Variants in CPA5 observed in about 807,000 individuals in gnomAD.
CPA5 encodes carboxypeptidase A5.
In CPA5, 38 loss-of-function variants were observed where a neutral mutation model predicts 52.2. The observed-to-expected ratio is 0.73, with a 90% CI of 0.56 to 0.95. The LOEUF (loss-of-function observed/expected upper bound fraction) is 0.95. Ranked by LOEUF, CPA5 falls within the 40% of genes least tolerant of loss-of-function variation. CPA5 has a pLI of 0.00. For missense variants in CPA5, 519 were observed against 566.7 expected (o/e 0.92, Z 0.86); for synonymous variants, 198 against 213.7 (o/e 0.93, Z 0.64).
chr7:130,352,401 G>C (rs1050156152), intron 5 of CPA5, among the ~76,000 whole-genome samples: 3 of 152,134 alleles, frequency 2.0e-5, no homozygotes, highest in Non-Finnish European at 2.9e-5. Context: ...TGGAGTGGAT[G>C]AGCGACTGAT....
At chr7:130,367,235 G>T in intron 10 of CPA5, 137 bp from the exon 11 acceptor site, 1 of 706,542 alleles carries the variant, frequency 1.4e-6, no homozygotes, top group Non-Finnish European at 2.4e-6. Flanking sequence ...CCTTTCCATT[G>T]GTCAAAGTAG....
At chr7:130,365,389 G>GA (rs776099975) in intron 10 of CPA5, among the ~76,000 whole-genome samples, 15 of 151,714 alleles carry the variant, frequency 9.9e-5, no homozygotes, top group South Asian at 2.1e-4. Flanking sequence ...CTCACCACAG[G>GA]AAAAAAAATA....
Position 130,363,438 on chromosome 7 carries a change from A to T in CPA5, c.767A>T (p.Asn256Ile). 6.3e-7 allele frequency: 1 copy of T among 1,575,272 alleles called. No individual in the cohort carries two copies. Among genetic ancestry groups the T allele is most frequent in the Non-Finnish European group, 8.6e-7 (1 of 1,159,486 alleles). ...THSMNRLWRK[N>I]KSIRPGIFCI... is the part of the protein sequence containing the mutation. ...TCCCAGAACCGCTTATGGCGGAAGAACAAGTCCATCAGACCTGGAATCTTC... is the reference window on the plus strand; with the variant it reads ...TCCCAGAACCGCTTATGGCGGAAGATCAAGTCCATCAGACCTGGAATCTTC... The change falls in exon 10 of 13, where the codon AAC (asparagine) becomes ATC (isoleucine). Residue 256 changes from asparagine to isoleucine, a missense_variant. By Grantham distance (149) the Asn-to-Ile change is moderately radical. Transcript: ENST00000474905.
downstream of CPA5, among the ~76,000 whole-genome samples, chr7:130,371,697 A>C (rs556769284): frequency 4.3e-4 from 65 of 151,816 alleles, no homozygotes; most frequent in African/African-American, 1.5e-3. Context: ...AGCTGGGATT[A>C]CAGGCATGTG....
intron 7 of CPA5, among the ~76,000 whole-genome samples, chr7:130,361,824 T>C (rs1238226115): frequency 1.3e-5 from 2 of 152,150 alleles, no homozygotes; most frequent in African/African-American, 4.8e-5. Context: ...CCCGGGAGTG[T>C]GGACCCTGCG....
At chr7:130,355,396 GGTGTGT>G (rs147556341) in intron 5 of CPA5, among the ~76,000 whole-genome samples, 9 of 149,180 alleles carry the variant, frequency 6.0e-5, no homozygotes, top group East Asian at 2.0e-4. Flanking sequence ...TGAGAACATT[GGTGTGT>G]GTGTGTGTGT....
chr7:130,371,703 A>G (rs1796296352), downstream of CPA5, among the ~76,000 whole-genome samples: 1 of 151,996 alleles, frequency 6.6e-6, no homozygotes, highest in South Asian at 2.1e-4. Context: ...GATTACAGGC[A>G]TGTGCCACCA....
At chr7:130,363,376 A>C in intron 9 of CPA5, 43 bp from the exon 10 acceptor site, 1 of 1,491,582 alleles carries the variant, frequency 6.7e-7, no homozygotes. Flanking sequence ...CATCCCTGGG[A>C]ATGGGCCCAG....
At chr7:130,373,033 T>A (rs376452580), downstream of CPA5, among the ~76,000 whole-genome samples, 3 of 152,104 alleles carry the variant, frequency 2.0e-5, no homozygotes, top group East Asian at 3.9e-4. Flanking sequence ...AGGGGGGTGC[T>A]CTAGTCCCAG....
intron 7 of CPA5, among the ~76,000 whole-genome samples, chr7:130,361,726 C>A (rs149012001): frequency 6.6e-6 from 1 of 152,140 alleles, no homozygotes; most frequent in Non-Finnish European, 1.5e-5. Flanking sequence ...AACTCAGGAC[C>A]CTGCAGTTCC....
At chr7:130,357,607 G>C (rs1584811503) in intron 5 of CPA5, among the ~76,000 whole-genome samples, 1 of 145,442 alleles carries the variant, frequency 6.9e-6, no homozygotes, top group East Asian at 2.0e-4. Context: ...TGGCCAAGAA[G>C]AGAGAAATTC....
intron 10 of CPA5, 34 bp downstream of exon 10, chr7:130,363,543 A>G: frequency 6.5e-7 from 1 of 1,534,894 alleles, no homozygotes; most frequent in Non-Finnish European, 8.9e-7. Flanking sequence ...GCAGGGTTGG[A>G]GAAGAGGTGT....
chr7:130,363,337 C>A, intron 9 of CPA5, 82 bp from the exon 10 acceptor site: 1 of 1,191,578 alleles, frequency 8.4e-7, no homozygotes, highest in South Asian at 1.4e-5. Flanking sequence ...GGGTCCCCTA[C>A]CCCCATAGGC....
At position 130,367,550 on chromosome 7, in the gene CPA5, C is replaced by G. The variant is rs202176514; in HGVS notation, c.1017C>G (p.Pro339=). 3 of 1,613,880 alleles carry G rather than the reference C, an allele frequency of 1.9e-6. No homozygotes were observed. The East Asian group carries it at 6.7e-5, about 36-fold the overall frequency. Residue 339 remains proline (P), a synonymous_variant, in exon 11 of 13, where the codon CCC becomes CCG. Coordinates refer to ENST00000474905, the MANE Select transcript of CPA5 (RefSeq NM_080385.5). ...LMYPYGRLLE[P]VSNQRELYDL... is the part of the protein sequence containing the mutation. ...ACCCTTACGGCCGATTGCTGGAGCC[C>G]GTTTCAAATCAGAGGGAGTTGGTGA...
chr7:130,354,040 A>C (rs2117352411), intron 5 of CPA5, among the ~76,000 whole-genome samples: 1 of 152,220 alleles, frequency 6.6e-6, no homozygotes, highest in East Asian at 1.9e-4. Flanking sequence ...CTCTCGCCTC[A>C]GCCTTCTAAG....
At chr7:130,346,738 C>T (rs1554402319) in intron 3 of CPA5, 137 bp downstream of exon 3, 1 of 648,576 alleles carries the variant, frequency 1.5e-6, no homozygotes, top group African/African-American at 1.8e-5. Context: ...GAACCCACTT[C>T]CAGCTCCACA....
chr7:130,373,802 C>G, the CPA5 span, among the ~76,000 whole-genome samples: 1 of 152,266 alleles, frequency 6.6e-6, no homozygotes, highest in Non-Finnish European at 1.5e-5. Context: ...TGGTGGGAAC[C>G]ACACCAGCAC....
At chr7:130,358,216 C>T (rs1795598562) in intron 5 of CPA5, among the ~76,000 whole-genome samples, 1 of 152,068 alleles carries the variant, frequency 6.6e-6, no homozygotes, top group African/African-American at 2.4e-5. Flanking sequence ...CCAGGCTGGT[C>T]TCAAACTCCT....
chr7:130,363,352 A>C (rs1554407320), intron 9 of CPA5, 67 bp from the exon 10 acceptor site: 1 of 1,358,982 alleles, frequency 7.4e-7, no homozygotes, highest in Non-Finnish European at 1.0e-6. Flanking sequence ...ATAGGCCAGG[A>C]TATCAGAGGC....
Sources: gnomAD v4.1 joint callset for allele counts (sites outside exome capture counted in the v4.1 genomes callset) on GRCh38, gnomAD v4.1.1 for gene constraint, MANE v1.5 for transcripts, NCBI Gene and HGNC (gene_info 2026-07-23, HGNC 2026-07-21) for gene names.